The following DLG2 variants were observed in gnomAD, a reference collection of about 807,000 sequenced individuals.
The protein encoded by DLG2 is disks large homolog 2.
Under a neutral mutation model 132.5 loss-of-function variants are expected in DLG2, and 45 were observed. That is an observed-to-expected ratio of 0.34 (90% CI 0.27 to 0.44). The LOEUF is 0.44. Among genes scored for constraint, DLG2 ranks in the 20% least tolerant of loss-of-function variants. The probability of loss-of-function intolerance (pLI) is 1.00; values close to 1 mark genes in which losing one functional copy is unlikely to be tolerated. For synonymous variants in DLG2, 424 were observed against 419.6 expected (o/e 1.01, Z -0.13); for missense variants, 1,045 against 1,196.9 (o/e 0.87, Z 1.87).
intron 3 of DLG2, among the ~76,000 whole-genome samples, chr11:85,354,631 G>A (rs2083549711): frequency 6.6e-6 from 1 of 151,464 alleles, no homozygotes; most frequent in African/African-American, 2.4e-5. Flanking sequence ...ATATCATCTT[G>A]ATCTTTGGTT....
intron 6 of DLG2, among the ~76,000 whole-genome samples, chr11:84,588,917 C>T (rs1362849090): frequency 1.3e-5 from 2 of 152,040 alleles, no homozygotes; most frequent in Non-Finnish European, 2.9e-5. Context: ...GCCCTGAATT[C>T]TTTCTTGCCT....
chr11:83,770,255 G>GTTTTTTTTTTTTT (rs143065797), intron 18 of DLG2, among the ~76,000 whole-genome samples: 2,216 of 107,862 alleles, frequency 0.021, 152 homozygotes, highest in African/African-American at 0.038. Context: ...GGTGTCTGGT[G>GTTTTTTTTTTTTT]TTTTTTTTTG....
At position 85,598,684 on chromosome 11, in the gene DLG2, T is replaced by C; in HGVS notation, c.13A>G (p.Lys5Glu). Residue 5 changes from lysine (K) to glutamate (E), a missense_variant, in exon 3 of 28, where the codon AAG becomes GAG. Coordinates refer to ENST00000376104, the MANE Select transcript of DLG2 (RefSeq NM_001142699.3). The stretch of plus-strand genomic sequence containing the variant: ...AGCAAAGCTTGGAATAAGCTGCTCT[T>C]AAAGATACCCATCACCTTTTTAACC... MGIF[K>E]SSLFQALLDI... 6.3e-7 allele frequency: 1 copy of C among 1,581,204 alleles called. No individual in the cohort carries two copies.
chr11:83,676,773 T>C (rs1357398388), intron 18 of DLG2, among the ~76,000 whole-genome samples: 15 of 152,320 alleles, frequency 9.8e-5, no homozygotes, highest in African/African-American at 3.4e-4. Flanking sequence ...AGCAGCCTTA[T>C]CTGTTACTGT....
intron 16 of DLG2, among the ~76,000 whole-genome samples, chr11:83,846,234 T>C (rs2058583808): frequency 6.6e-6 from 1 of 152,176 alleles, no homozygotes; most frequent in Non-Finnish European, 1.5e-5. Context: ...AAGATGTATT[T>C]GGAGAATAGT....
intron 6 of DLG2, among the ~76,000 whole-genome samples, chr11:84,687,508 C>T (rs2099739162): frequency 6.6e-6 from 1 of 152,104 alleles, no homozygotes; most frequent in Admixed American, 6.5e-5. Context: ...CAATTAGTAT[C>T]ATTTACTCTT....
chr11:83,775,982 C>G (rs1411518367), intron 18 of DLG2, among the ~76,000 whole-genome samples: 1 of 152,142 alleles, frequency 6.6e-6, no homozygotes, highest in African/African-American at 2.4e-5. Flanking sequence ...GTCCCAGCTA[C>G]TCGGGAGGCT....
At chr11:84,160,718 C>T (rs78630390) in intron 9 of DLG2, among the ~76,000 whole-genome samples, 2,945 of 152,120 alleles carry the variant, frequency 0.019, 73 homozygotes, top group African/African-American at 0.066. Flanking sequence ...GAGATAACTG[C>T]AGAAGGAAAA....
chr11:85,557,674 T>C (rs1465693479), intron 3 of DLG2, among the ~76,000 whole-genome samples: 2 of 151,844 alleles, frequency 1.3e-5, no homozygotes, highest in African/African-American at 4.8e-5. Context: ...TTCTGATCTT[T>C]GACAAAGTCC....
chr11:84,727,003 G>A (rs207472104), intron 6 of DLG2, among the ~76,000 whole-genome samples: 1 of 152,280 alleles, frequency 6.6e-6, no homozygotes, highest in South Asian at 2.1e-4. Context: ...TTAGCCCTTT[G>A]TCAGATGGAT....
At chr11:83,862,509 A>C (rs2061611828) in intron 16 of DLG2, among the ~76,000 whole-genome samples, 1 of 152,176 alleles carries the variant, frequency 6.6e-6, no homozygotes. Flanking sequence ...TAAATTTATA[A>C]AGAATGAATA....
At chr11:85,518,308 T>A (rs1369533745) in intron 3 of DLG2, among the ~76,000 whole-genome samples, 1 of 152,154 alleles carries the variant, frequency 6.6e-6, no homozygotes, top group Non-Finnish European at 1.5e-5. Flanking sequence ...CTGATAGTGA[T>A]ATAGACAATA....
At chr11:84,480,421 T>G (rs551869410) in intron 7 of DLG2, among the ~76,000 whole-genome samples, 112 of 152,252 alleles carry the variant, frequency 7.4e-4, no homozygotes, top group Non-Finnish European at 1.3e-3. Flanking sequence ...TTAGCCATCT[T>G]TATGTAGAAG....
intron 14 of DLG2, among the ~76,000 whole-genome samples, chr11:83,937,710 C>T (rs2154136130): frequency 6.6e-6 from 1 of 151,908 alleles, no homozygotes; most frequent in East Asian, 1.9e-4. Context: ...ATGACAAATA[C>T]ACACACACAT....
intron 11 of DLG2, among the ~76,000 whole-genome samples, chr11:84,025,038 T>C (rs977863995): frequency 1.3e-5 from 2 of 152,082 alleles, no homozygotes; most frequent in Non-Finnish European, 2.9e-5. Flanking sequence ...CAGTTGACAA[T>C]AAAAAATAAA....
chr11:84,290,999 T>C (rs2097986837), intron 7 of DLG2, among the ~76,000 whole-genome samples: 1 of 152,160 alleles, frequency 6.6e-6, no homozygotes. Context: ...AAAATGCACA[T>C]CTAGCAATTA....
chr11:85,522,130 C>A (rs1184384297), intron 3 of DLG2, among the ~76,000 whole-genome samples: 1 of 152,154 alleles, frequency 6.6e-6, no homozygotes, highest in Non-Finnish European at 1.5e-5. Flanking sequence ...GGGTCCAGGG[C>A]CCTCTTGCTG....
chr11:84,612,903 C>T (rs981124558), intron 6 of DLG2, among the ~76,000 whole-genome samples: 1 of 152,056 alleles, frequency 6.6e-6, no homozygotes, highest in Non-Finnish European at 1.5e-5. Context: ...GAGTCCAGGT[C>T]CACCTCACAA....
intron 15 of DLG2, among the ~76,000 whole-genome samples, chr11:83,910,009 T>C (rs954226231): frequency 3.3e-5 from 5 of 152,194 alleles, no homozygotes; most frequent in Non-Finnish European, 5.9e-5. Flanking sequence ...TGTCTAATTA[T>C]GCTAGGCTCT....
Sources: allele counts gnomAD v4.1 joint callset (sites outside exome capture counted in the v4.1 genomes callset), GRCh38; gene constraint gnomAD v4.1.1; transcripts MANE v1.5; gene names NCBI Gene and HGNC (gene_info 2026-07-23, HGNC 2026-07-21).